CPA6: variants seen among roughly 807,000 people sequenced by gnomAD.
The protein encoded by CPA6 is carboxypeptidase A6.
CPA6 carries 58 observed loss-of-function variants against 63.3 expected under a neutral mutation model. The observed-to-expected ratio is 0.92, with a 90% CI of 0.74 to 1.14. CPA6 has a LOEUF of 1.14. Ranked by LOEUF, CPA6 falls within the 50% of genes most tolerant of loss-of-function variation. The probability of loss-of-function intolerance (pLI) is 0.00; values close to 1 mark genes in which losing one functional copy is unlikely to be tolerated. For synonymous variants in CPA6, 185 were observed against 179.0 expected (o/e 1.03, Z -0.27); for missense variants, 565 against 526.6 (o/e 1.07, Z -0.71).
At chr8:67,695,384 TC>T (rs1439412748) in intron 1 of CPA6, among the ~76,000 whole-genome samples, 1 of 152,156 alleles carries the variant, frequency 6.6e-6, no homozygotes, top group Non-Finnish European at 1.5e-5. Flanking sequence ...ACCAGCCAGC[TC>T]CCTGGTGGCA....
chr8:67,664,729 C>T (rs1816190935), intron 1 of CPA6, among the ~76,000 whole-genome samples: 1 of 152,052 alleles, frequency 6.6e-6, no homozygotes, highest in Non-Finnish European at 1.5e-5. Flanking sequence ...GGAAAAGGTA[C>T]ACTTTGAGTA....
At chr8:67,526,814 A>G (rs574823305) in intron 2 of CPA6, among the ~76,000 whole-genome samples, 21 of 152,294 alleles carry the variant, frequency 1.4e-4, no homozygotes, top group African/African-American at 5.1e-4. Context: ...CATATAAAAG[A>G]GCCAATACCA....
intron 1 of CPA6, among the ~76,000 whole-genome samples, chr8:67,653,404 CT>C (rs1445699962): frequency 2.0e-5 from 3 of 151,678 alleles, no homozygotes; most frequent in African/African-American, 4.8e-5. Context: ...TGTTTGTATC[CT>C]CTTTTATTTC....
intron 1 of CPA6, among the ~76,000 whole-genome samples, chr8:67,646,567 T>C (rs1815718749): frequency 6.6e-6 from 1 of 152,164 alleles, no homozygotes; most frequent in Admixed American, 6.5e-5. Flanking sequence ...ACATCACTGT[T>C]AACAGGTGAG....
At chr8:67,592,220 C>T (rs1814148762) in intron 2 of CPA6, among the ~76,000 whole-genome samples, 2 of 152,330 alleles carry the variant, frequency 1.3e-5, no homozygotes, top group Non-Finnish European at 2.9e-5. Flanking sequence ...ACCAGCCTTG[C>T]ATCCCAGGGA....
At position 67,746,296 on chromosome 8, in the gene CPA6, A is replaced by G; in HGVS notation, c.-167T>C. On this transcript the variant is annotated 5_prime_UTR_variant, in exon 1 of 11. Transcript: ENST00000297770. The stretch of plus-strand genomic sequence containing the variant: ...TCTCTCCAGCTACAAGGGAAAAAAA[A>G]AGTTCAGGCAGCTGAGGAAGGGAAG... 1 of 482,608 alleles carries G rather than the reference A, an allele frequency of 2.1e-6. No individual in the cohort carries two copies. Among genetic ancestry groups the G allele is most frequent in the Admixed American group, 3.4e-5 (1 of 29,762 alleles). 29.9% of individuals were successfully genotyped at this position (482,608 alleles called of 1,614,324 possible).
chr8:67,520,575 C>T lies in CPA6; in HGVS notation c.193-2528G>A, dbSNP rs1812238300. On this transcript the variant is annotated intron_variant, in intron 2 of 10. Transcript: ENST00000297770. ...CAGTCAGGGTGGTGGCAGGCAGGTG[C>T]CTATAGAAGACTTACGGGACAGTAA... Among the ~76,000 whole-genome samples the T allele has an allele frequency of 2.0e-5, 3 of 152,070 alleles. No individual in the cohort carries two copies. In the South Asian group the frequency reaches 6.2e-4, roughly 32 times the overall value.
At position 67,727,860 on chromosome 8, in the gene CPA6, C is replaced by T. The variant is rs370411425; in HGVS notation, c.116+18154G>A. 5.9e-5 allele frequency among the ~76,000 whole-genome samples: 9 copies of T among 151,990 alleles called. No individual in the cohort carries two copies. In the East Asian group the frequency reaches 1.6e-3, roughly 26 times the overall value. ...TTGGGAGGCTGAGGCAGGTGGATCA[C>T]GAGGTCAGGAGATCGAGACCATCCT... is the stretch of plus-strand genomic sequence containing the variant. On this transcript the variant is annotated intron_variant, in intron 1 of 10. Transcript: ENST00000297770.
intron 2 of CPA6, among the ~76,000 whole-genome samples, chr8:67,576,493 A>C (rs777588215): frequency 1.3e-5 from 2 of 152,208 alleles, no homozygotes; most frequent in African/African-American, 4.8e-5. Flanking sequence ...TATGCTCTAA[A>C]AATGTAGAAA....
chr8:67,436,347 T>A (rs1300113720), intron 8 of CPA6, among the ~76,000 whole-genome samples: 1 of 151,500 alleles, frequency 6.6e-6, no homozygotes, highest in Non-Finnish European at 1.5e-5. Flanking sequence ...CATGTGTGGA[T>A]TTTTCTGTGT....
chr8:67,652,051 T>A (rs977087085), intron 1 of CPA6, among the ~76,000 whole-genome samples: 2 of 152,170 alleles, frequency 1.3e-5, no homozygotes, highest in Admixed American at 1.3e-4. Context: ...GTTTCATCCA[T>A]GTCCCTGCAA....
intron 8 of CPA6, among the ~76,000 whole-genome samples, chr8:67,458,089 G>A (rs1041792661): frequency 2.6e-5 from 4 of 152,084 alleles, no homozygotes; most frequent in African/African-American, 7.2e-5. Flanking sequence ...TACACCCTTC[G>A]CAAAAATAAC....
chr8:67,518,756 C>G (rs1195655147), intron 2 of CPA6, among the ~76,000 whole-genome samples: 1 of 151,988 alleles, frequency 6.6e-6, no homozygotes, highest in Admixed American at 6.6e-5. Context: ...AGTGATCCAC[C>G]CTTCTTGGCC....
At chr8:67,448,639 GAA>G (rs61317091) in intron 8 of CPA6, among the ~76,000 whole-genome samples, 4 of 23,286 alleles carry the variant, frequency 1.7e-4, no homozygotes, top group Admixed American at 5.1e-4. Flanking sequence ...CTCAAAAAAG[GAA>G]AAAAAAAAAA....
At chr8:67,440,252 C>T (rs1810260173) in intron 8 of CPA6, among the ~76,000 whole-genome samples, 1 of 152,042 alleles carries the variant, frequency 6.6e-6, no homozygotes, top group Non-Finnish European at 1.5e-5. Context: ...GGATGCATTC[C>T]AGCCATGTAT....
At chr8:67,613,164 T>A (rs964444801) in intron 2 of CPA6, among the ~76,000 whole-genome samples, 1 of 152,228 alleles carries the variant, frequency 6.6e-6, no homozygotes, top group Non-Finnish European at 1.5e-5. Context: ...CCCTACCTCA[T>A]ACCCTTGCCT....
chr8:67,661,764 C>A (rs929764335), intron 1 of CPA6, among the ~76,000 whole-genome samples: 1 of 152,208 alleles, frequency 6.6e-6, no homozygotes, highest in Non-Finnish European at 1.5e-5. Flanking sequence ...AATAACTCCT[C>A]ATTCCCCTTC....
At chr8:67,445,165 T>G (rs925150288) in intron 8 of CPA6, among the ~76,000 whole-genome samples, 1 of 151,828 alleles carries the variant, frequency 6.6e-6, no homozygotes, top group Non-Finnish European at 1.5e-5. Context: ...GGTCTACAAG[T>G]GAAGAAAATA....
chr8:67,624,993 G>A (rs914285626), intron 1 of CPA6, among the ~76,000 whole-genome samples: 2 of 152,026 alleles, frequency 1.3e-5, no homozygotes, highest in African/African-American at 4.8e-5. Context: ...CAGGGAGATG[G>A]GAGCTCAGTC....
Sources: gnomAD v4.1 joint callset for allele counts (sites outside exome capture counted in the v4.1 genomes callset) on GRCh38, gnomAD v4.1.1 for gene constraint, MANE v1.5 for transcripts, NCBI Gene and HGNC (gene_info 2026-07-23, HGNC 2026-07-21) for gene names.